The following LRRC4C variants were observed in gnomAD, a reference collection of about 807,000 sequenced individuals.
LRRC4C encodes the protein leucine-rich repeat-containing protein 4C.
A neutral mutation model predicts 33.6 loss-of-function variants in LRRC4C; 5 were observed. That is an observed-to-expected ratio of 0.15 (90% CI 0.08 to 0.31). The LOEUF is 0.31. LRRC4C is among the 10% of genes least tolerant of loss of function. The probability of loss-of-function intolerance (pLI) is 1.00; values close to 1 mark genes in which losing one functional copy is unlikely to be tolerated. For missense variants in LRRC4C, 560 were observed against 796.7 expected (o/e 0.70, Z 3.58); for synonymous variants, 329 against 302.0 (o/e 1.09, Z -0.93).
intron 1 of LRRC4C, among the ~76,000 whole-genome samples, chr11:41,059,687 T>C (rs560558722): frequency 6.6e-6 from 1 of 152,236 alleles, no homozygotes; most frequent in South Asian, 2.1e-4. Context: ...TCCGAAAAAT[T>C]TGCTACTCAA....
At chr11:40,774,468 T>C (rs960536203) in intron 2 of LRRC4C, among the ~76,000 whole-genome samples, 2 of 152,186 alleles carry the variant, frequency 1.3e-5, no homozygotes, top group African/African-American at 4.8e-5. Flanking sequence ...GGAGCTATTC[T>C]GCATTTGTTA....
intron 3 of LRRC4C, among the ~76,000 whole-genome samples, chr11:40,346,576 G>A (rs2137050562): frequency 6.6e-6 from 1 of 152,232 alleles, no homozygotes; most frequent in African/African-American, 2.4e-5. Flanking sequence ...GGAGGGAGAG[G>A]ATCAGGGAAA....
At chr11:41,115,326 C>T (rs912362035) in intron 1 of LRRC4C, among the ~76,000 whole-genome samples, 4 of 151,770 alleles carry the variant, frequency 2.6e-5, no homozygotes, top group African/African-American at 9.7e-5. Context: ...CTACAGTCAA[C>T]TCTTAATTAA....
chr11:40,552,865 C>T (rs1280043262), intron 3 of LRRC4C, among the ~76,000 whole-genome samples: 2 of 152,118 alleles, frequency 1.3e-5, no homozygotes, highest in Non-Finnish European at 2.9e-5. Context: ...CCTGATGTGC[C>T]AGCCAACAAA....
chr11:41,285,906 T>G (rs1485793524), intron 1 of LRRC4C, among the ~76,000 whole-genome samples: 1 of 152,132 alleles, frequency 6.6e-6, no homozygotes, highest in Non-Finnish European at 1.5e-5. Context: ...CTCGGCTCAT[T>G]GCAACCTCCG....
At chr11:40,972,189 T>C (rs1565257773) in intron 1 of LRRC4C, among the ~76,000 whole-genome samples, 1 of 149,212 alleles carries the variant, frequency 6.7e-6, no homozygotes, top group South Asian at 2.1e-4. Flanking sequence ...CAGGCTGGAG[T>C]GCAGTGGTGC....
At chr11:40,172,455 A>G (rs1860123949) in intron 5 of LRRC4C, among the ~76,000 whole-genome samples, 1 of 152,110 alleles carries the variant, frequency 6.6e-6, no homozygotes, top group Non-Finnish European at 1.5e-5. Context: ...AACTCCCTCT[A>G]GCATTTCCTA....
At chr11:41,326,119 A>G (rs1219140022) in intron 1 of LRRC4C, among the ~76,000 whole-genome samples, 3 of 151,238 alleles carry the variant, frequency 2.0e-5, no homozygotes, top group East Asian at 1.9e-4. Flanking sequence ...ACCCACCTCA[A>G]TCTTGGTGGG....
chr11:40,753,874 A>G (rs1172361234), intron 2 of LRRC4C, among the ~76,000 whole-genome samples: 1 of 151,982 alleles, frequency 6.6e-6, no homozygotes, highest in Non-Finnish European at 1.5e-5. Flanking sequence ...AATTGAAACT[A>G]CAATGAGATA....
intron 1 of LRRC4C, among the ~76,000 whole-genome samples, chr11:41,244,712 T>C (rs1948384004): frequency 6.6e-6 from 1 of 152,208 alleles, no homozygotes; most frequent in South Asian, 2.1e-4. Context: ...TACTAGGTTT[T>C]AACAGTTCTA....
intron 2 of LRRC4C, among the ~76,000 whole-genome samples, chr11:40,670,149 T>C (rs900579610): frequency 5.3e-5 from 8 of 152,242 alleles, no homozygotes; most frequent in African/African-American, 1.9e-4. Context: ...AGGTGTGTTG[T>C]ACATCTCAGG....
At chr11:41,347,480 A>G (rs1391981079) in intron 1 of LRRC4C, among the ~76,000 whole-genome samples, 3 of 152,146 alleles carry the variant, frequency 2.0e-5, no homozygotes, top group African/African-American at 7.2e-5. Flanking sequence ...AAAAGAAAGA[A>G]GGCTGCAGAT....
intron 4 of LRRC4C, among the ~76,000 whole-genome samples, chr11:40,313,017 C>T (rs1419376507): frequency 6.6e-6 from 1 of 152,104 alleles, no homozygotes; most frequent in African/African-American, 2.4e-5. Context: ...TCTATCACGC[C>T]AGAAGTGGTC....
At chr11:40,532,080 T>C (rs1001903408) in intron 3 of LRRC4C, among the ~76,000 whole-genome samples, 2 of 149,814 alleles carry the variant, frequency 1.3e-5, no homozygotes, top group Non-Finnish European at 3.0e-5. Flanking sequence ...CTAGAAACCA[T>C]TGCACTCGTA....
At chr11:41,433,331 T>A (rs1016908176) in intron 1 of LRRC4C, among the ~76,000 whole-genome samples, 2 of 152,190 alleles carry the variant, frequency 1.3e-5, no homozygotes, top group African/African-American at 4.8e-5. Flanking sequence ...TTGATCTCTA[T>A]GCAATTTTCA....
At chr11:40,411,388 C>T (rs1950150309) in intron 3 of LRRC4C, among the ~76,000 whole-genome samples, 1 of 152,000 alleles carries the variant, frequency 6.6e-6, no homozygotes, top group Non-Finnish European at 1.5e-5. Flanking sequence ...ATTGAAAATA[C>T]ATCAAAAGTG....
chr11:40,960,793 G>A (rs1204186036), intron 1 of LRRC4C, among the ~76,000 whole-genome samples: 1 of 151,660 alleles, frequency 6.6e-6, no homozygotes, highest in African/African-American at 2.4e-5. Context: ...AAAGAGAAGG[G>A]GAGTTTGCCA....
In LRRC4C at chr11:41,130,797, G is replaced by C. The variant is rs534947769; in HGVS notation, c.-495-197074C>G. 2.0e-5 allele frequency among the ~76,000 whole-genome samples: 3 copies of C among 152,016 alleles called. No homozygotes were observed. In the South Asian group the frequency reaches 6.2e-4, roughly 31 times the overall value. On this transcript the variant is annotated intron_variant, in intron 1 of 6. Coordinates refer to ENST00000528697, the MANE Select transcript of LRRC4C (RefSeq NM_001258419.2). ...TAGAAACATTTTTGAAGCAATTTAT[G>C]TGTATAATACTTCTATATTTACAAA... is the stretch of plus-strand genomic sequence containing the variant.
intron 1 of LRRC4C, among the ~76,000 whole-genome samples, chr11:41,255,413 C>T (rs187325504): frequency 4.7e-4 from 72 of 152,034 alleles, no homozygotes; most frequent in Non-Finnish European, 8.7e-4. Flanking sequence ...GGGAATGACC[C>T]CAGAGGAAAA....
Sources: allele counts gnomAD v4.1 joint callset (sites outside exome capture counted in the v4.1 genomes callset), GRCh38; gene constraint gnomAD v4.1.1; transcripts MANE v1.5; gene names NCBI Gene and HGNC (gene_info 2026-07-23, HGNC 2026-07-21).